PPP2R5A: variants seen among roughly 807,000 people sequenced by gnomAD.
The protein encoded by PPP2R5A is serine/threonine-protein phosphatase 2A 56 kDa regulatory subunit alpha isoform.
A neutral mutation model predicts 64.2 loss-of-function variants in PPP2R5A; 25 were observed. The ratio of observed to expected loss-of-function variants is 0.39; its 90% CI spans 0.28 to 0.54. PPP2R5A has a LOEUF of 0.54. PPP2R5A is among the 20% of genes least tolerant of loss of function. PPP2R5A has a pLI of 0.67. For missense variants in PPP2R5A, 425 were observed against 576.3 expected (o/e 0.74, Z 2.69); for synonymous variants, 198 against 201.2 (o/e 0.98, Z 0.13).
At position 212,329,303 on chromosome 1, in the gene PPP2R5A, A is replaced by T; in HGVS notation, c.350A>T (p.Glu117Val). ...TCAACTAATCGTGGTGTAATTGTTG[A>T]ATCAGCGTATTCTGATATAGTAAAA... ...YVSTNRGVIVESAYSDIVKMI... is the reference protein window; with the variant it reads ...YVSTNRGVIVVSAYSDIVKMI... The change falls in exon 2 of 13, where the codon GAA becomes GTA. Residue 117 changes from glutamate (E) to valine (V), a missense_variant. Around this residue, in one of 4 missense-constraint regions of PPP2R5A, gnomAD observed 140 missense variants for 204.4 expected, o/e 0.68. Coordinates refer to ENST00000261461, the MANE Select transcript of PPP2R5A (RefSeq NM_006243.4). 4 of 1,605,802 alleles carry T rather than the reference A, an allele frequency of 2.5e-6. No homozygotes were observed. Among genetic ancestry groups the T allele is most frequent in the Non-Finnish European group, 3.4e-6 (4 of 1,177,538 alleles).
At chr1:212,349,310 A>AT (rs761165961) in intron 8 of PPP2R5A, 68 bp downstream of exon 8, 4 of 1,168,688 alleles carry the variant, frequency 3.4e-6, no homozygotes, top group East Asian at 5.0e-5. Flanking sequence ...CTTTCGTTTT[A>AT]TAGCCTTTAT....
intron 3 of PPP2R5A, among the ~76,000 whole-genome samples, chr1:212,336,283 T>C (rs564314073): frequency 6.6e-6 from 1 of 152,080 alleles, no homozygotes; most frequent in African/African-American, 2.4e-5. Flanking sequence ...GCCCAGCTAA[T>C]TGTTGTATTT....
intron 4 of PPP2R5A, among the ~76,000 whole-genome samples, chr1:212,344,087 T>G (rs548647527): frequency 1.3e-5 from 2 of 152,306 alleles, no homozygotes; most frequent in South Asian, 4.1e-4. Context: ...TTCTCCTGGA[T>G]CAGCCTCCCA....
chr1:212,352,565 T>C (rs1469453745), intron 8 of PPP2R5A, among the ~76,000 whole-genome samples: 2 of 152,050 alleles, frequency 1.3e-5, no homozygotes, highest in African/African-American at 4.8e-5. Flanking sequence ...TCCTCCTGCC[T>C]TAGCCTCCCA....
At chr1:212,336,843 GTTTTACAT>G (rs1659600806) in intron 3 of PPP2R5A, among the ~76,000 whole-genome samples, 1 of 152,026 alleles carries the variant, frequency 6.6e-6, no homozygotes, top group African/African-American at 2.4e-5. Flanking sequence ...AAAAGTTTAC[GTTTTACAT>G]TTAGCTTATG....
chr1:212,317,390 C>T (rs1470714543), intron 1 of PPP2R5A, among the ~76,000 whole-genome samples: 1 of 6,606 alleles, frequency 1.5e-4, no homozygotes, highest in Non-Finnish European at 2.9e-4. Context: ...ACAGTATTCT[C>T]ATACCCAGCT....
chr1:212,324,274 C>G (rs929615492), intron 1 of PPP2R5A, among the ~76,000 whole-genome samples: 33 of 152,104 alleles, frequency 2.2e-4, no homozygotes, highest in African/African-American at 7.5e-4. Flanking sequence ...GTTCTGAATA[C>G]TGTAGGCAGT....
rs11372024 is a variant in PPP2R5A at position 212,350,654 on chromosome 1, CAAAAAAA to C, written c.927+1417_927+1423del. On this transcript the variant is annotated intron_variant, in intron 8 of 12. Coordinates refer to ENST00000261461, the MANE Select transcript of PPP2R5A (RefSeq NM_006243.4). ...GGGCAACAGAGTGAGACTCTGTCTT[CAAAAAAA>C]AAAAGAAAAAAGTAAAACCTTAATA... 4.9e-4 allele frequency among the ~76,000 whole-genome samples: 67 copies of C among 136,782 alleles called. 1 individual carries two copies. Among genetic ancestry groups the C allele is most frequent in the African/African-American group, 1.8e-3 (65 of 36,216 alleles). The allele number at this position is 136,782 out of a possible 152,430, so 89.7% of individuals were successfully genotyped here.
At chr1:212,350,058 C>T (rs1659848486) in intron 8 of PPP2R5A, among the ~76,000 whole-genome samples, 1 of 151,958 alleles carries the variant, frequency 6.6e-6, no homozygotes, top group African/African-American at 2.4e-5. Context: ...TTAGCAGCAA[C>T]CTAATAAATA....
At chr1:212,306,627 T>C (rs1658908656) in intron 1 of PPP2R5A, among the ~76,000 whole-genome samples, 1 of 152,136 alleles carries the variant, frequency 6.6e-6, no homozygotes, top group Non-Finnish European at 1.5e-5. Context: ...TCTTTTTATT[T>C]TCAATCTACT....
At chr1:212,299,851 C>T (rs935110047) in intron 1 of PPP2R5A, among the ~76,000 whole-genome samples, 1 of 150,048 alleles carries the variant, frequency 6.7e-6, no homozygotes, top group African/African-American at 2.5e-5. Context: ...CTCGCTCTGT[C>T]CCCCAGGCTG....
Position 212,348,591 on chromosome 1 carries a change from A to G in PPP2R5A, c.873+94A>G. 2 of 917,700 alleles carry G rather than the reference A, an allele frequency of 2.2e-6. 1 individual carries two copies. Among genetic ancestry groups the G allele is most frequent in the South Asian group, 3.5e-5 (2 of 57,174 alleles). The allele number at this position is 917,700 out of a possible 1,614,324, so 56.8% of individuals were successfully genotyped here. A position where few individuals can be genotyped will look rare whatever the true frequency, so the allele number is the denominator to read the frequency against. On this transcript the variant is annotated intron_variant, in intron 7 of 12. Transcript: ENST00000261461. Reference sequence around the variant, plus strand: ...GAGAAATACTGAGATGACAGTTTTAAGTATAATTAAGCAATTTGCTTACAA... The same window carrying G: ...GAGAAATACTGAGATGACAGTTTTAGGTATAATTAAGCAATTTGCTTACAA...
chr1:212,314,236 G>GTTAT (rs1203176768), intron 1 of PPP2R5A, among the ~76,000 whole-genome samples: 2 of 152,064 alleles, frequency 1.3e-5, no homozygotes. Context: ...AGACATAAGA[G>GTTAT]TTATTTAGCC....
chr1:212,295,188 A>G (rs1658669909), intron 1 of PPP2R5A, among the ~76,000 whole-genome samples: 2 of 152,180 alleles, frequency 1.3e-5, no homozygotes, highest in Admixed American at 6.5e-5. Flanking sequence ...GAGTAACACT[A>G]GTGAGGATAC....
chr1:212,343,641 A>G (rs1659724894), intron 4 of PPP2R5A, among the ~76,000 whole-genome samples: 1 of 152,236 alleles, frequency 6.6e-6, no homozygotes, highest in East Asian at 1.9e-4. Flanking sequence ...TATTAACAGT[A>G]ACATATACAT....
Position 212,309,107 on chromosome 1 carries a change from CAT to C in PPP2R5A, c.182-20025_182-20024del, listed in dbSNP as rs1658975775. On this transcript the variant is annotated intron_variant, in intron 1 of 12. Transcript: ENST00000261461. Reference sequence around the variant, plus strand: ...GCATTGTAATCAGGAGCCAGTCAAACATATGCCTTCTTCTCTCCATCAGGCCG... The same window carrying C: ...GCATTGTAATCAGGAGCCAGTCAAACATGCCTTCTTCTCTCCATCAGGCCG... 4 of 943,070 alleles carry C rather than the reference CAT, an allele frequency of 4.2e-6. No individual in the cohort carries two copies. In the African/African-American group the frequency reaches 4.8e-5, roughly 11 times the overall value. 58.4% of individuals were successfully genotyped at this position (943,070 alleles called of 1,614,324 possible). A position where few individuals can be genotyped will look rare whatever the true frequency, so the allele number is the denominator to read the frequency against.
chr1:212,344,056 C>T lies in PPP2R5A; in HGVS notation c.574-1747C>T, dbSNP rs186481458. ...GCTGGATCTTGGCTCACTGCAACCT[C>T]GGCCTCCCAGGTTCAAGCGATTCTC... On this transcript the variant is annotated intron_variant, in intron 4 of 12. Transcript: ENST00000261461. Among the ~76,000 whole-genome samples, 80 of 152,312 alleles carry T rather than the reference C, an allele frequency of 5.3e-4. 1 individual carries two copies. Among genetic ancestry groups the T allele is most frequent in the Admixed American group, 4.6e-3 (71 of 15,300 alleles).
At chr1:212,333,642 A>C (rs1205798248) in intron 3 of PPP2R5A, 44 bp downstream of exon 3, 4 of 1,101,902 alleles carry the variant, frequency 3.6e-6, no homozygotes, top group Non-Finnish European at 5.1e-6. Flanking sequence ...TATTTATGCT[A>C]TTCTGCAGAA....
intron 1 of PPP2R5A, among the ~76,000 whole-genome samples, chr1:212,310,752 C>T (rs1571583700): frequency 6.6e-6 from 1 of 152,208 alleles, no homozygotes; most frequent in South Asian, 2.1e-4. Flanking sequence ...CTGCCCCATG[C>T]GTGGAGGTTG....
Sources: gnomAD v4.1 joint callset for allele counts (sites outside exome capture counted in the v4.1 genomes callset) on GRCh38, gnomAD v4.1.1 for gene constraint, gnomAD v4.1.1 regional missense constraint, MANE v1.5 for transcripts, NCBI Gene and HGNC (gene_info 2026-07-23, HGNC 2026-07-21) for gene names.